RNF150: variants seen among roughly 807,000 people sequenced by gnomAD.
RNF150 encodes the protein ring finger protein 150.
RNF150 carries 24 observed loss-of-function variants against 39.3 expected under a neutral mutation model. The ratio of observed to expected loss-of-function variants is 0.61; its 90% CI spans 0.44 to 0.86. RNF150 has a LOEUF of 0.86. Ranked by LOEUF, RNF150 falls within the 40% of genes least tolerant of loss-of-function variation. The probability of loss-of-function intolerance (pLI) is 0.00; values close to 1 mark genes in which losing one functional copy is unlikely to be tolerated. For synonymous variants in RNF150, 255 were observed against 227.3 expected (o/e 1.12, Z -1.10); for missense variants, 502 against 587.8 (o/e 0.85, Z 1.51).
At chr4:140,931,489 A>G (rs1731633564) in intron 4 of RNF150, among the ~76,000 whole-genome samples, 1 of 152,236 alleles carries the variant, frequency 6.6e-6, no homozygotes, top group South Asian at 2.1e-4. Context: ...AACAGACTAA[A>G]TAAACAAACA....
At chr4:141,097,973 C>T (rs1165805647) in intron 1 of RNF150, among the ~76,000 whole-genome samples, 1 of 152,092 alleles carries the variant, frequency 6.6e-6, no homozygotes, top group Non-Finnish European at 1.5e-5. Context: ...TACCCATCTC[C>T]TTCAGATGCC....
At chr4:141,057,236 A>C (rs1374509724) in intron 1 of RNF150, among the ~76,000 whole-genome samples, 1 of 152,010 alleles carries the variant, frequency 6.6e-6, no homozygotes, top group Non-Finnish European at 1.5e-5. Context: ...ATAAATGTTA[A>C]TTCTTATTTT....
rs1300417450 is a variant in RNF150, at chr4:140,972,076, T to C, written c.485-4203A>G. On this transcript the variant is annotated intron_variant, in intron 1 of 6. Coordinates refer to ENST00000515673, the MANE Select transcript of RNF150 (RefSeq NM_020724.2). ...CCCATTTGTAGATATTTTCTATTTG[T>C]ACACTTAATATCCACTTTTTCAAAA... 2.6e-5 allele frequency among the ~76,000 whole-genome samples: 4 copies of C among 152,274 alleles called. No homozygotes were observed. The East Asian group carries it at 7.7e-4, about 29-fold the overall frequency.
chr4:141,089,140 T>C (rs149261918), intron 1 of RNF150, among the ~76,000 whole-genome samples: 2 of 152,166 alleles, frequency 1.3e-5, no homozygotes, highest in South Asian at 2.1e-4. Context: ...GTTGCCTAGG[T>C]TGGACTCCAG....
chr4:141,200,618 T>G (rs1024658266), intron 1 of RNF150, among the ~76,000 whole-genome samples: 5 of 152,186 alleles, frequency 3.3e-5, no homozygotes, highest in East Asian at 1.9e-4. Flanking sequence ...CTCCTAATAC[T>G]ATCACATTGG....
chr4:140,999,985 A>AG (rs374509935), intron 1 of RNF150, among the ~76,000 whole-genome samples: 10,241 of 38,250 alleles, frequency 0.27, 2,873 homozygotes, highest in Middle Eastern at 0.43. Flanking sequence ...GAAAAGAAGA[A>AG]AAGAAGAAAA....
intron 1 of RNF150, among the ~76,000 whole-genome samples, chr4:141,183,876 A>G (rs1364591823): frequency 6.6e-6 from 1 of 152,140 alleles, no homozygotes; most frequent in Non-Finnish European, 1.5e-5. Flanking sequence ...CATGGTGTAT[A>G]TGTGCCATAT....
At chr4:140,996,182 G>A (rs931941951) in intron 1 of RNF150, among the ~76,000 whole-genome samples, 2 of 152,142 alleles carry the variant, frequency 1.3e-5, no homozygotes, top group Non-Finnish European at 2.9e-5. Flanking sequence ...ACTTGGGTGA[G>A]ATGATATCTC....
intron 1 of RNF150, among the ~76,000 whole-genome samples, chr4:140,973,473 A>G (rs1733540025): frequency 6.6e-6 from 1 of 151,914 alleles, no homozygotes; most frequent in South Asian, 2.1e-4. Flanking sequence ...CTCTCCTGTG[A>G]TTCCTATTAT....
chr4:140,952,535 T>C (rs1732580381), intron 2 of RNF150, among the ~76,000 whole-genome samples: 1 of 152,188 alleles, frequency 6.6e-6, no homozygotes, highest in South Asian at 2.1e-4. Flanking sequence ...CAGTCTCTTC[T>C]AGAGAAAAAA....
chr4:140,871,870 G>A (rs1728960633), intron 6 of RNF150, among the ~76,000 whole-genome samples: 1 of 152,204 alleles, frequency 6.6e-6, no homozygotes, highest in Admixed American at 6.5e-5. Context: ...TGAATTCATG[G>A]TGCTACTTTG....
intron 1 of RNF150, among the ~76,000 whole-genome samples, chr4:141,164,178 T>A (rs1355693711): frequency 6.6e-6 from 1 of 150,810 alleles, no homozygotes; most frequent in African/African-American, 2.4e-5. Flanking sequence ...AATAGCTGAA[T>A]TGATCAAGCA....
chr4:141,113,337 TA>T (rs35017497), intron 1 of RNF150, among the ~76,000 whole-genome samples: 104,032 of 139,070 alleles, frequency 0.75, 38,996 homozygotes, highest in East Asian at 0.86. Context: ...AATGGAAAGT[TA>T]AAAAAAAAAA....
intron 1 of RNF150, among the ~76,000 whole-genome samples, chr4:141,158,357 T>A (rs1727451068): frequency 6.6e-6 from 1 of 152,034 alleles, no homozygotes; most frequent in Non-Finnish European, 1.5e-5. Context: ...TGCTTATCAT[T>A]TCTGTAATCT....
chr4:140,974,199 T>A (rs1168948360), intron 1 of RNF150, among the ~76,000 whole-genome samples: 8 of 152,196 alleles, frequency 5.3e-5, no homozygotes. Context: ...TTCCCTTCCC[T>A]AAGCCTTGTA....
At chr4:141,119,811 TA>T (rs1726551961) in intron 1 of RNF150, among the ~76,000 whole-genome samples, 1 of 152,276 alleles carries the variant, frequency 6.6e-6, no homozygotes, top group Non-Finnish European at 1.5e-5. Flanking sequence ...GGAGGTACCT[TA>T]TAAGGGGTTA....
chr4:141,115,132 GT>G (rs1739509385), intron 1 of RNF150, among the ~76,000 whole-genome samples: 1 of 152,180 alleles, frequency 6.6e-6, no homozygotes, highest in Non-Finnish European at 1.5e-5. Flanking sequence ...AGTATTGGAA[GT>G]TCTGGCTAGG....
At chr4:141,184,958 T>C (rs1322307459) in intron 1 of RNF150, among the ~76,000 whole-genome samples, 1 of 151,998 alleles carries the variant, frequency 6.6e-6, no homozygotes, top group Non-Finnish European at 1.5e-5. Flanking sequence ...TCAGGTAGCC[T>C]GATGCCTCCA....
In RNF150 at chr4:140,867,874, T is replaced by C. The variant is rs2291431; in HGVS notation, c.*387A>G. 29,475 of 165,080 alleles carry C rather than the reference T, an allele frequency of 0.18. 3,232 individuals carry two copies. Among genetic ancestry groups the C allele is most frequent in the Middle Eastern group, 0.31 (106 of 342 alleles). The allele number at this position is 165,080 out of a possible 1,614,324, so 10.2% of individuals were successfully genotyped here. ...TGGAAAGTAAACTACAAATAATCTT[T>C]AAAAAAATTGCCAAAGAAATCAAAC... is the stretch of plus-strand genomic sequence containing the variant. On this transcript the variant is annotated 3_prime_UTR_variant, in exon 7 of 7. Coordinates refer to ENST00000515673, the MANE Select transcript of RNF150 (RefSeq NM_020724.2).
Sources: gnomAD v4.1 joint callset for allele counts (sites outside exome capture counted in the v4.1 genomes callset) on GRCh38, gnomAD v4.1.1 for gene constraint, MANE v1.5 for transcripts, NCBI Gene and HGNC (gene_info 2026-07-23, HGNC 2026-07-21) for gene names.